The following DDB1 variants were observed in gnomAD, a reference collection of about 807,000 sequenced individuals.
DDB1 encodes damage specific DNA binding protein 1, also known as DNA damage-binding protein 1.
DDB1 carries 18 observed loss-of-function variants against 133.1 expected under a neutral mutation model. That is an observed-to-expected ratio of 0.14 (90% CI 0.09 to 0.20). The LOEUF (loss-of-function observed/expected upper bound fraction) is 0.20, where lower values mean the gene tolerates loss of function less well. Ranked by LOEUF, DDB1 falls within the 10% of genes least tolerant of loss-of-function variation. The probability of loss-of-function intolerance (pLI) is 1.00; values close to 1 mark genes in which losing one functional copy is unlikely to be tolerated. For synonymous variants in DDB1, 580 were observed against 550.5 expected, an observed-to-expected ratio of 1.05 and a Z score of -0.75; for missense variants, 828 against 1,459.2, an observed-to-expected ratio of 0.57 and a Z score of 7.05.
At position 61,300,209 on chromosome 11, in the gene DDB1, C is replaced by T; in HGVS notation, c.3350G>A (p.Gly1117Asp). The change falls in exon 27 of 27, where the codon GGC becomes GAC. Residue 1117 changes from glycine (G) to aspartate (D), a missense_variant. This residue lies in a region of DDB1 where 116 missense variants were observed against 221.6 expected (regional missense o/e 0.52). Coordinates refer to ENST00000301764, the MANE Select transcript of DDB1 (RefSeq NM_001923.5). ...AGTGGCCTCTCGCTTCATACCGCTG[C>T]CATCGTCATACTGCAATGAGAAGAT... ...EVVANLQYDD[G>D]SGMKREATAD... The T allele has an allele frequency of 6.2e-7, 1 of 1,614,128 alleles. No individual in the cohort carries two copies. The highest frequency in any genetic ancestry group is 1.1e-5 in the South Asian group (1 of 91,070).
intron 18 of DDB1, 146 bp from the exon 19 acceptor site, chr11:61,310,564 A>T: frequency 1.2e-6 from 1 of 851,430 alleles, no homozygotes; most frequent in Non-Finnish European, 1.7e-6. Flanking sequence ...GCCTGAGGAG[A>T]GTGTTTCAGA....
intron 3 of DDB1, among the ~76,000 whole-genome samples, 168 bp downstream of exon 3, chr11:61,329,790 G>A (rs750918143): frequency 5.3e-5 from 8 of 152,096 alleles, no homozygotes; most frequent in Non-Finnish European, 7.3e-5. Flanking sequence ...CTGTCCCTTG[G>A]GTCTTGAGTG....
chr11:61,300,749 T>C, intron 26 of DDB1, 60 bp downstream of exon 26: 2 of 1,600,576 alleles, frequency 1.2e-6, no homozygotes, highest in Non-Finnish European at 1.7e-6. Flanking sequence ...GACAGTCTCC[T>C]GGCATGCCCC....
intron 25 of DDB1, 180 bp from the exon 26 acceptor site, chr11:61,301,112 A>C: frequency 1.2e-6 from 1 of 839,300 alleles, no homozygotes. Flanking sequence ...AATATGACCT[A>C]ATCTAATTGG....
intron 21 of DDB1, 97 bp downstream of exon 21, chr11:61,308,886 A>T (rs1855916198): frequency 8.4e-6 from 10 of 1,192,344 alleles, no homozygotes; most frequent in Non-Finnish European, 1.2e-5. Flanking sequence ...TCTCCTTCAG[A>T]TCTGACACAC....
intron 23 of DDB1, 132 bp downstream of exon 23, chr11:61,302,914 T>C (rs907782033): frequency 4.7e-6 from 6 of 1,275,278 alleles, no homozygotes; most frequent in Non-Finnish European, 5.5e-6. Context: ...CACCTTTTAT[T>C]CTCTGACGAG....
At position 61,305,057 on chromosome 11, in the gene DDB1, GCCTCCCCTGGCAGATCCTTCAGGAT is replaced by G. The variant is rs1254884962; in HGVS notation, c.2662-1047_2662-1023del. 3.9e-5 allele frequency among the ~76,000 whole-genome samples: 6 copies of G among 152,280 alleles called. No individual in the cohort carries two copies. In the East Asian group the frequency reaches 7.7e-4, roughly 20 times the overall value. ...AGACTCAACCCATCTGAACTGACAA[GCCTCCCCTGGCAGATCCTTCAGGAT>G]CCAGATAATCCCCATGGCCTCTGCA... On this transcript the variant is annotated intron_variant, in intron 21 of 26. Coordinates refer to ENST00000301764, the MANE Select transcript of DDB1 (RefSeq NM_001923.5).
chr11:61,328,856 T>C (rs912884505), intron 4 of DDB1, among the ~76,000 whole-genome samples: 1 of 151,814 alleles, frequency 6.6e-6, no homozygotes, highest in East Asian at 1.9e-4. Flanking sequence ...GGCAACAGAG[T>C]GAGACTCTGT....
intron 15 of DDB1, 53 bp downstream of exon 15, chr11:61,313,809 A>C (rs1183760264): frequency 3.1e-6 from 5 of 1,604,970 alleles, no homozygotes; most frequent in Admixed American, 1.7e-5. Context: ...AATTCTGTGT[A>C]ATTCTAATAC....
intron 1 of DDB1, chr11:61,332,531 C>A: frequency 5.3e-6 from 1 of 187,960 alleles, no homozygotes; most frequent in Non-Finnish European, 1.1e-5. Context: ...CCAGACTTCC[C>A]CACAGGAAAA....
In DDB1 at chr11:61,302,657, C is replaced by T. The variant is rs1855819411; in HGVS notation, c.3037G>A (p.Val1013Ile). 3 of 1,614,200 alleles carry T rather than the reference C, an allele frequency of 1.9e-6. No individual in the cohort carries two copies. Among genetic ancestry groups the T allele is most frequent in the Non-Finnish European group, 2.5e-6 (3 of 1,180,042 alleles). ...GAAGTCTCACCCAGATTCTGCATTACCAGAGAGCCGTGGCAAAAGACATTG... is the reference window on the plus strand; with the variant it reads ...GAAGTCTCACCCAGATTCTGCATTATCAGAGAGCCGTGGCAAAAGACATTG... ...FVNVFCHGSL[V>I]MQNLGETSTP... is the part of the protein sequence containing the mutation. Residue 1013 changes from valine to isoleucine, a missense_variant, in exon 24 of 27, where the codon GTA becomes ATA. Around this residue, in one of 7 missense-constraint regions of DDB1, gnomAD observed 116 missense variants for 221.6 expected, o/e 0.52. Transcript: ENST00000301764.
At chr11:61,332,882 G>A (rs764963990) in intron 1 of DDB1, 26 bp downstream of exon 1, 5 of 1,465,578 alleles carry the variant, frequency 3.4e-6, no homozygotes, top group African/African-American at 2.9e-5. Context: ...CTCACTCGCC[G>A]GGGTCTCCGG....
chr11:61,316,776 T>G (rs1341379434), intron 10 of DDB1, among the ~76,000 whole-genome samples: 3 of 150,190 alleles, frequency 2.0e-5, no homozygotes, highest in Non-Finnish European at 3.0e-5. Context: ...ACAAAAGAAC[T>G]TGCTAGGTGT....
chr11:61,331,818 C>G, intron 1 of DDB1, 127 bp from the exon 2 acceptor site: 1 of 1,294,680 alleles, frequency 7.7e-7, no homozygotes, highest in South Asian at 1.4e-5. Context: ...CTCCAACTCC[C>G]TCCAGCTACT....
chr11:61,311,285 ACATAACAT>A (rs1855962039), intron 18 of DDB1: 1 of 149,308 alleles, frequency 6.7e-6, no homozygotes, highest in Non-Finnish European at 1.5e-5. Flanking sequence ...ACATAACATA[ACATAACAT>A]AACATAACAT....
chr11:61,314,267 G>A, intron 13 of DDB1, 41 bp downstream of exon 13: 1 of 1,595,844 alleles, frequency 6.3e-7, no homozygotes, highest in Non-Finnish European at 8.5e-7. Flanking sequence ...AAGTCCTAGA[G>A]AAAAGAGGAG....
At chr11:61,316,949 A>G (rs1207829017) in intron 10 of DDB1, among the ~76,000 whole-genome samples, 2 of 6,368 alleles carry the variant, frequency 3.1e-4, no homozygotes, top group South Asian at 4.3e-3. Context: ...AAGGATAGAT[A>G]TATATATATA....
At position 61,300,195 on chromosome 11, in the gene DDB1, G is replaced by A. The variant is rs61895891; in HGVS notation, c.3364C>T (p.Arg1122Ter). 6.2e-7 allele frequency: 1 copy of A among 1,614,114 alleles called. No homozygotes were observed. Among genetic ancestry groups the A allele is most frequent in the Non-Finnish European group, 8.5e-7 (1 of 1,180,006 alleles). The change falls in exon 27 of 27, where the codon CGA becomes TGA. Residue 1122 changes from arginine to a stop codon, truncating the protein, a stop_gained. Transcript: ENST00000301764. LOFTEE classifies it high-confidence loss of function. Reference sequence around the variant, plus strand: ...ATGAGGTCGTCTGCAGTGGCCTCTCGCTTCATACCGCTGCCATCGTCATAC... The same window carrying A: ...ATGAGGTCGTCTGCAGTGGCCTCTCACTTCATACCGCTGCCATCGTCATAC... ...LQYDDGSGMK[R>*]EATADDLIKV...
At chr11:61,312,414 T>G (rs538949257) in intron 16 of DDB1, among the ~76,000 whole-genome samples, 1 of 152,192 alleles carries the variant, frequency 6.6e-6, no homozygotes, top group East Asian at 1.9e-4. Context: ...CAAAACAGTC[T>G]GCTGGGCCCC....
Sources: allele counts gnomAD v4.1 joint callset (sites outside exome capture counted in the v4.1 genomes callset), GRCh38; gene constraint gnomAD v4.1.1; regional missense constraint gnomAD v4.1.1; transcripts MANE v1.5; gene names NCBI Gene and HGNC (gene_info 2026-07-23, HGNC 2026-07-21).